Variants in NEO1 observed in about 807,000 individuals in gnomAD.
NEO1 encodes neogenin 1, also known as neogenin.
A neutral mutation model predicts 159.7 loss-of-function variants in NEO1; 63 were observed. That is an observed-to-expected ratio of 0.39 (90% CI 0.32 to 0.49). The LOEUF (loss-of-function observed/expected upper bound fraction) is 0.49, where lower values mean the gene tolerates loss of function less well. NEO1 is among the 20% of genes least tolerant of loss of function. The pLI is 0.85. For synonymous variants in NEO1, 633 were observed against 662.0 expected, an observed-to-expected ratio of 0.96 and a Z score of 0.67; for missense variants, 1,615 against 1,831.0, an observed-to-expected ratio of 0.88 and a Z score of 2.15.
At chr15:73,279,508 C>G (rs965544040) in intron 22 of NEO1, among the ~76,000 whole-genome samples, 33 of 152,012 alleles carry the variant, frequency 2.2e-4, no homozygotes, top group African/African-American at 5.8e-4. Flanking sequence ...GCCACCACGC[C>G]CAGCTAATTT....
intron 1 of NEO1, among the ~76,000 whole-genome samples, chr15:73,093,589 T>G (rs953901267): frequency 6.6e-6 from 1 of 152,010 alleles, no homozygotes; most frequent in Non-Finnish European, 1.5e-5. Context: ...TTTTTTCTTT[T>G]TGGATACAAG....
chr15:73,215,918 AT>A (rs2037851398), intron 7 of NEO1, among the ~76,000 whole-genome samples: 1 of 151,242 alleles, frequency 6.6e-6, no homozygotes, highest in African/African-American at 2.4e-5. Context: ...TGTCCTGGAC[AT>A]TTTTTTTGTT....
intron 7 of NEO1, among the ~76,000 whole-genome samples, chr15:73,218,522 T>G (rs1299390699): frequency 6.6e-6 from 1 of 152,110 alleles, no homozygotes; most frequent in African/African-American, 2.4e-5. Context: ...TCCTTGTACC[T>G]CTGGTAGAAT....
chr15:73,294,420 T>C (rs1215911017), intron 26 of NEO1, among the ~76,000 whole-genome samples: 1 of 152,248 alleles, frequency 6.6e-6, no homozygotes, highest in Non-Finnish European at 1.5e-5. Context: ...TGAGTTTTGC[T>C]GGTCTGGGGA....
intron 9 of NEO1, among the ~76,000 whole-genome samples, chr15:73,244,970 A>AAAAAAAAAAAAAAC (rs1567586586): frequency 6.8e-6 from 1 of 146,852 alleles, no homozygotes; most frequent in African/African-American, 2.5e-5. Context: ...AAAAAAAAAA[A>AAAAAAAAAAAAAAC]AAAAAAAAAA....
chr15:73,114,554 CT>C (rs1323063884), intron 1 of NEO1, among the ~76,000 whole-genome samples: 4 of 152,100 alleles, frequency 2.6e-5, no homozygotes, highest in Non-Finnish European at 4.4e-5. Flanking sequence ...AACACATATA[CT>C]TTTTTTCGTT....
chr15:73,135,883 T>TTTTA lies in NEO1; in HGVS notation c.879-8_879-7insTTTA, dbSNP rs1567281937. ...TGTATCTTTTTTTTTTTTTTTTTTT[T>TTTTA]AACACAGCTCTGAAAGATTGGTATT... On this transcript the variant is annotated splice_polypyrimidine_tract_variant and splice_region_variant and intron_variant, in intron 4 of 28. Coordinates refer to ENST00000261908, the MANE Select transcript of NEO1 (RefSeq NM_002499.4). 2 of 1,428,448 alleles carry TTTTA rather than the reference T, an allele frequency of 1.4e-6. No homozygotes were observed. Among genetic ancestry groups the TTTTA allele is most frequent in the African/African-American group, 1.5e-5 (1 of 67,342 alleles). 88.5% of individuals were successfully genotyped at this position (1,428,448 alleles called of 1,614,324 possible). A position where few individuals can be genotyped will look rare whatever the true frequency, so the allele number is the denominator to read the frequency against.
At position 73,269,463 on chromosome 15, in the gene NEO1, C is replaced by A. The variant is rs144277044; in HGVS notation, c.2495-547C>A. Among the ~76,000 whole-genome samples the A allele has an allele frequency of 2.8e-3, 429 of 152,256 alleles. 3 individuals are homozygous for A. The highest frequency in any genetic ancestry group is 9.8e-3 in the African/African-American group (407 of 41,540). ...GCAGCCTCCATCTCCCAGATTCAAG[C>A]GATTCTCATGCCTCAGCCTCCCGAG... On this transcript the variant is annotated intron_variant, in intron 16 of 28. Coordinates refer to ENST00000261908, the MANE Select transcript of NEO1 (RefSeq NM_002499.4).
At chr15:73,184,448 A>G (rs574627743) in intron 7 of NEO1, among the ~76,000 whole-genome samples, 4 of 152,328 alleles carry the variant, frequency 2.6e-5, no homozygotes, top group East Asian at 3.9e-4. Context: ...CACTCTTAAC[A>G]TCTGATCCAG....
chr15:73,098,059 G>A (rs934534308), intron 1 of NEO1, among the ~76,000 whole-genome samples: 2 of 147,704 alleles, frequency 1.4e-5, no homozygotes, highest in Non-Finnish European at 1.5e-5. Flanking sequence ...AATCAGTAAA[G>A]TTACTCATTT....
chr15:73,227,694 T>C (rs910131964), intron 7 of NEO1, among the ~76,000 whole-genome samples: 2 of 152,208 alleles, frequency 1.3e-5, no homozygotes, highest in African/African-American at 4.8e-5. Context: ...TAATACCTTT[T>C]CTCAAATAGA....
At chr15:73,237,635 A>G (rs2039253187) in intron 8 of NEO1, among the ~76,000 whole-genome samples, 1 of 152,214 alleles carries the variant, frequency 6.6e-6, no homozygotes, top group Non-Finnish European at 1.5e-5. Flanking sequence ...CAAGAAGTCT[A>G]AGTGGCATAA....
At chr15:73,258,601 C>T (rs1217220386) in intron 13 of NEO1, among the ~76,000 whole-genome samples, 165 bp from the exon 14 acceptor site, 6 of 152,156 alleles carry the variant, frequency 3.9e-5, no homozygotes, top group Non-Finnish European at 2.9e-5. Flanking sequence ...GGAAGCTACT[C>T]TATGTTGTAT....
intron 13 of NEO1, chr15:73,255,890 G>A (rs933758996): frequency 1.3e-5 from 2 of 152,132 alleles, no homozygotes; most frequent in Non-Finnish European, 2.9e-5. Flanking sequence ...CAACCAAAAG[G>A]TGTGAGTTAT....
chr15:73,169,713 A>G (rs1489454812), intron 5 of NEO1, among the ~76,000 whole-genome samples: 2 of 102,980 alleles, frequency 1.9e-5, no homozygotes, highest in East Asian at 6.2e-4. Context: ...ACTCTGCCTT[A>G]GGGGGAGCCT....
chr15:73,240,931 T>C (rs1010751647), intron 8 of NEO1, among the ~76,000 whole-genome samples: 1 of 152,234 alleles, frequency 6.6e-6, no homozygotes. Flanking sequence ...ATTAATCTTA[T>C]CGGCTTAAAT....
chr15:73,168,435 G>A (rs2034731086), intron 5 of NEO1, among the ~76,000 whole-genome samples: 1 of 150,296 alleles, frequency 6.7e-6, no homozygotes, highest in Admixed American at 6.6e-5. Flanking sequence ...CTGACCTCCA[G>A]TGATCCACCT....
chr15:73,052,210 G>T (rs749576846), upstream of NEO1, among the ~76,000 whole-genome samples: 272 of 147,944 alleles, frequency 1.8e-3, 1 homozygote, highest in Non-Finnish European at 2.9e-3. Flanking sequence ...GGCGGCAGCC[G>T]GGATTGGAGC....
intron 5 of NEO1, among the ~76,000 whole-genome samples, chr15:73,165,130 C>T (rs946329926): frequency 3.6e-5 from 5 of 139,236 alleles, no homozygotes; most frequent in Non-Finnish European, 6.1e-5. Flanking sequence ...ATAGGGGTCT[C>T]ACTATGTTGC....
Sources: gnomAD v4.1 joint callset for allele counts (sites outside exome capture counted in the v4.1 genomes callset) on GRCh38, gnomAD v4.1.1 for gene constraint, MANE v1.5 for transcripts, NCBI Gene and HGNC (gene_info 2026-07-23, HGNC 2026-07-21) for gene names.